Variants in MAN2A1 observed in about 807,000 individuals in gnomAD.
MAN2A1 encodes the protein alpha-mannosidase 2.
Under a neutral mutation model 142.6 loss-of-function variants are expected in MAN2A1, and 76 were observed. The ratio of observed to expected loss-of-function variants is 0.53; its 90% CI spans 0.44 to 0.65. MAN2A1 has a LOEUF of 0.65. MAN2A1 is among the 30% of genes least tolerant of loss of function. The pLI is 0.00. For synonymous variants in MAN2A1, 559 were observed against 473.2 expected, an observed-to-expected ratio of 1.18 and a Z score of -2.35; for missense variants, 1,311 against 1,365.1, an observed-to-expected ratio of 0.96 and a Z score of 0.62.
intron 1 of MAN2A1, among the ~76,000 whole-genome samples, chr5:109,705,365 A>G (rs1751100961): frequency 6.6e-6 from 1 of 152,170 alleles, no homozygotes; most frequent in Non-Finnish European, 1.5e-5. Flanking sequence ...TTTGAACCAT[A>G]AAGGGTGACT....
chr5:109,830,341 G>C (rs1022326988), intron 16 of MAN2A1, among the ~76,000 whole-genome samples: 1 of 152,170 alleles, frequency 6.6e-6, no homozygotes, highest in African/African-American at 2.4e-5. Context: ...CTATAAAAAA[G>C]GTAGATGTTC....
At chr5:109,697,638 C>G (rs1011301007) in intron 1 of MAN2A1, among the ~76,000 whole-genome samples, 1 of 152,204 alleles carries the variant, frequency 6.6e-6, no homozygotes, top group Non-Finnish European at 1.5e-5. Context: ...TGACCACTTT[C>G]ACACAACAGT....
rs1276759850 is a variant in MAN2A1 at position 109,847,668 on chromosome 5, G to GT, written c.2856dup (p.Ile953TyrfsTer10). Reference sequence around the variant, plus strand: ...TGTTTGTGTGTTAGGTCAGATTGAAGTTATCATGGATCGAAGACTCATGCA... The same window carrying GT: ...TGTTTGTGTGTTAGGTCAGATTGAAGTTTATCATGGATCGAAGACTCATGCA... On this transcript the variant is annotated frameshift_variant, in exon 19 of 22. Coordinates refer to ENST00000261483, the MANE Select transcript of MAN2A1 (RefSeq NM_002372.4). LOFTEE classifies it high-confidence loss of function. 1 of 1,554,028 alleles carries GT rather than the reference G, an allele frequency of 6.4e-7. No individual in the cohort carries two copies.
chr5:109,733,756 C>T (rs918256092), intron 4 of MAN2A1, among the ~76,000 whole-genome samples: 4 of 152,048 alleles, frequency 2.6e-5, no homozygotes, highest in Admixed American at 1.3e-4. Flanking sequence ...CTGCTTGATT[C>T]GGTTTGCCAG....
chr5:109,789,062 T>G lies in MAN2A1; in HGVS notation c.1875+14T>G, dbSNP rs370402527. ...TTCCTGGAGATGGTTAGTAATTTCA[T>G]CTATGGTCATCATAAAAATGTGTAA... On this transcript the variant is annotated intron_variant, in intron 11 of 21. Transcript: ENST00000261483. The G allele has an allele frequency of 1.6e-6, 2 of 1,272,764 alleles. No individual in the cohort carries two copies. Among genetic ancestry groups the G allele is most frequent in the Non-Finnish European group, 2.3e-6 (2 of 886,524 alleles). The allele number at this position is 1,272,764 out of a possible 1,614,324, so 78.8% of individuals were successfully genotyped here.
intron 1 of MAN2A1, among the ~76,000 whole-genome samples, chr5:109,702,422 G>A (rs1751015307): frequency 6.6e-6 from 1 of 151,524 alleles, no homozygotes; most frequent in Non-Finnish European, 1.5e-5. Flanking sequence ...GGATCAAAAT[G>A]CAACACCCCA....
chr5:109,786,351 A>C (rs1483929736), intron 10 of MAN2A1, among the ~76,000 whole-genome samples: 1 of 151,988 alleles, frequency 6.6e-6, no homozygotes, highest in Non-Finnish European at 1.5e-5. Context: ...GGACATAGAA[A>C]AGTCATTTTC....
chr5:109,853,834 A>C (rs367591545), intron 19 of MAN2A1: 1 of 152,072 alleles, frequency 6.6e-6, no homozygotes, highest in Admixed American at 6.5e-5. Flanking sequence ...TATATGCTTT[A>C]TTTAATCTTT....
At chr5:109,793,868 A>C (rs1311928349) in intron 12 of MAN2A1, among the ~76,000 whole-genome samples, 1 of 152,214 alleles carries the variant, frequency 6.6e-6, no homozygotes, top group African/African-American at 2.4e-5. Context: ...TGTTATGATC[A>C]ACATAGCCTG....
rs1751232471 is a variant in MAN2A1, at chr5:109,709,394, G to GAGCA, written c.136-4126_136-4125insAGCA. 5.9e-5 allele frequency among the ~76,000 whole-genome samples: 9 copies of GAGCA among 152,230 alleles called. No individual in the cohort carries two copies. The South Asian group carries it at 1.9e-3, about 32-fold the overall frequency. On this transcript the variant is annotated intron_variant, in intron 1 of 21. Transcript: ENST00000261483. ...TCAAAAGGGCAAAGAACAAAGCCTT[G>GAGCA]GAGCAGTTGAGATAAATGGGATTGT...
intron 16 of MAN2A1, among the ~76,000 whole-genome samples, chr5:109,827,295 T>C (rs1754783129): frequency 6.6e-6 from 1 of 152,230 alleles, no homozygotes; most frequent in Non-Finnish European, 1.5e-5. Flanking sequence ...TTAAAGATTG[T>C]CTTTGTTGGG....
intron 12 of MAN2A1, among the ~76,000 whole-genome samples, chr5:109,790,010 A>G (rs1753696495): frequency 6.6e-6 from 1 of 151,876 alleles, no homozygotes; most frequent in Admixed American, 6.6e-5. Flanking sequence ...GATTTATGCT[A>G]AAGTAAATGG....
intron 3 of MAN2A1, among the ~76,000 whole-genome samples, chr5:109,720,998 CG>C (rs2112572051): frequency 6.6e-6 from 1 of 152,284 alleles, no homozygotes; most frequent in South Asian, 2.1e-4. Flanking sequence ...AAATCGTATG[CG>C]GAACAACTGA....
intron 8 of MAN2A1, among the ~76,000 whole-genome samples, chr5:109,779,231 G>A (rs987617131): frequency 2.0e-5 from 3 of 151,970 alleles, no homozygotes; most frequent in Non-Finnish European, 4.4e-5. Flanking sequence ...AACTGCTCTG[G>A]GACATTGCCA....
chr5:109,727,991 T>G (rs1751793037), intron 3 of MAN2A1, among the ~76,000 whole-genome samples: 1 of 152,140 alleles, frequency 6.6e-6, no homozygotes, highest in Non-Finnish European at 1.5e-5. Flanking sequence ...ATCCAGGAGG[T>G]GTTCTTTGGT....
At chr5:109,790,502 T>C (rs1024382362) in intron 12 of MAN2A1, among the ~76,000 whole-genome samples, 10 of 151,948 alleles carry the variant, frequency 6.6e-5, no homozygotes, top group African/African-American at 2.2e-4. Context: ...ACTAATGTTC[T>C]CTGTAACACG....
At chr5:109,829,682 T>C (rs1360458773) in intron 16 of MAN2A1, among the ~76,000 whole-genome samples, 5 of 152,228 alleles carry the variant, frequency 3.3e-5, no homozygotes, top group Non-Finnish European at 7.3e-5. Flanking sequence ...ATCCCACTTA[T>C]TTAAAATTTC....
intron 16 of MAN2A1, among the ~76,000 whole-genome samples, chr5:109,829,643 A>T (rs148235154): frequency 6.6e-6 from 1 of 152,194 alleles, no homozygotes; most frequent in Non-Finnish European, 1.5e-5. Context: ...TCCTGTTACA[A>T]TTCTTCAAAG....
At chr5:109,729,851 C>T (rs1751852008) in intron 4 of MAN2A1, among the ~76,000 whole-genome samples, 3 of 152,126 alleles carry the variant, frequency 2.0e-5, no homozygotes, top group South Asian at 2.1e-4. Flanking sequence ...AAAAATTAGC[C>T]AGGTGGTGCT....
Sources: allele counts gnomAD v4.1 joint callset (sites outside exome capture counted in the v4.1 genomes callset), GRCh38; gene constraint gnomAD v4.1.1; transcripts MANE v1.5; gene names NCBI Gene and HGNC (gene_info 2026-07-23, HGNC 2026-07-21).